Variants in ARMC10 observed in about 807,000 individuals in gnomAD.
ARMC10 encodes the protein armadillo repeat-containing protein 10.
A neutral mutation model predicts 30.2 loss-of-function variants in ARMC10; 23 were observed. The observed-to-expected ratio is 0.76, with a 90% CI of 0.55 to 1.08. The LOEUF is 1.08. Ranked by LOEUF, ARMC10 falls within the 50% of genes least tolerant of loss-of-function variation. The pLI, the probability that ARMC10 is intolerant of heterozygous loss-of-function variation, is 0.00. For synonymous variants in ARMC10, 111 were observed against 164.4 expected (o/e 0.68, Z 2.48); for missense variants, 303 against 413.7 (o/e 0.73, Z 2.32).
At chr7:103,097,198 CATG>C (rs1801826519) in intron 5 of ARMC10, 76 bp from the exon 6 acceptor site, 1 of 1,187,340 alleles carries the variant, frequency 8.4e-7, no homozygotes, top group African/African-American at 1.5e-5. Context: ...AACAGGAAGA[CATG>C]GTGAGAGAAC....
At chr7:103,080,480 C>G (rs946544121) in intron 2 of ARMC10, among the ~76,000 whole-genome samples, 1 of 151,926 alleles carries the variant, frequency 6.6e-6, no homozygotes, top group Non-Finnish European at 1.5e-5. Context: ...GTCTCGAACT[C>G]CTGACCTCAG....
At chr7:103,077,661 C>T (rs778586841) in intron 2 of ARMC10, among the ~76,000 whole-genome samples, 1 of 152,120 alleles carries the variant, frequency 6.6e-6, no homozygotes, top group Non-Finnish European at 1.5e-5. Context: ...AATTAAGTTT[C>T]GACATGAGTT....
chr7:103,095,706 T>C (rs1801700760), intron 5 of ARMC10: 1 of 152,114 alleles, frequency 6.6e-6, no homozygotes, highest in Non-Finnish European at 1.5e-5. Context: ...AATGATAGAC[T>C]GGATTAAGAA....
chr7:103,093,477 A>G (rs74532449), intron 5 of ARMC10, among the ~76,000 whole-genome samples: 8,874 of 152,292 alleles, frequency 0.058, 318 homozygotes, highest in South Asian at 0.11. Context: ...AGGTGTTTGT[A>G]CATGGACTTT....
chr7:103,097,895 C>T (rs2129524744), intron 6 of ARMC10, among the ~76,000 whole-genome samples: 1 of 152,312 alleles, frequency 6.6e-6, no homozygotes, highest in South Asian at 2.1e-4. Flanking sequence ...TCTGCTCATC[C>T]CTATTCCCCA....
intron 5 of ARMC10, among the ~76,000 whole-genome samples, chr7:103,093,023 C>T (rs1801484571): frequency 6.6e-6 from 1 of 152,084 alleles, no homozygotes; most frequent in Non-Finnish European, 1.5e-5. Context: ...TCTAAAACAA[C>T]TTTTAAGCTG....
At chr7:103,094,078 A>G (rs1801570927) in intron 5 of ARMC10, among the ~76,000 whole-genome samples, 1 of 152,244 alleles carries the variant, frequency 6.6e-6, no homozygotes, top group African/African-American at 2.4e-5. Flanking sequence ...ATAGCCATCC[A>G]TTTGTTAGTG....
intron 5 of ARMC10, chr7:103,096,349 A>T (rs1801759335): frequency 1.3e-5 from 2 of 152,102 alleles, no homozygotes; most frequent in South Asian, 2.1e-4. Flanking sequence ...CAATCAACCG[A>T]TCTATCAGTT....
chr7:103,077,411 T>C (rs1479417231), intron 2 of ARMC10, among the ~76,000 whole-genome samples: 1 of 152,158 alleles, frequency 6.6e-6, no homozygotes, highest in Non-Finnish European at 1.5e-5. Flanking sequence ...CTTAGAGTTA[T>C]GGAAGCTGAG....
intron 2 of ARMC10, among the ~76,000 whole-genome samples, chr7:103,082,793 T>C (rs1180578268): frequency 6.6e-6 from 1 of 151,966 alleles, no homozygotes; most frequent in Non-Finnish European, 1.5e-5. Context: ...GTAAAGAGGA[T>C]TTTTTTTAAG....
chr7:103,094,039 A>G (rs893586291), intron 5 of ARMC10, among the ~76,000 whole-genome samples: 5 of 152,244 alleles, frequency 3.3e-5, no homozygotes, highest in African/African-American at 9.6e-5. Context: ...AATTGAGTTT[A>G]AAGTTCCAAC....
At chr7:103,092,430 A>C in intron 4 of ARMC10, 47 bp from the exon 5 acceptor site, 1 of 1,469,606 alleles carries the variant, frequency 6.8e-7, no homozygotes, top group Admixed American at 1.8e-5. Context: ...GTTCAGTAGA[A>C]AAATTTTGGA....
chr7:103,084,089 A>G (rs1256176436), intron 3 of ARMC10: 7 of 1,402,206 alleles, frequency 5.0e-6, no homozygotes, highest in Non-Finnish European at 5.7e-6. Flanking sequence ...AACGTTTACC[A>G]TTTCATGGCC....
rs769491525 is a variant in ARMC10, at chr7:103,092,559, C to T, written c.611C>T (p.Thr204Ile). Residue 204 changes from threonine (T) to isoleucine (I), a missense_variant, in exon 5 of 7, where the codon ACA becomes ATA. By Grantham distance (89) the Thr-to-Ile change is moderately conservative (BLOSUM62 -1). Around this residue, in one of 4 missense-constraint regions of ARMC10, gnomAD observed 170 missense variants for 207.2 expected, o/e 0.82. Coordinates refer to ENST00000323716, the MANE Select transcript of ARMC10 (RefSeq NM_031905.5). The stretch of plus-strand genomic sequence containing the variant: ...CAGCTGGCTGGACTGACATTGTTGA[C>T]AAACATGACTGTTACCAATGACCAC... ...AVQLAGLTLL[T>I]NMTVTNDHQH... 2.4e-5 allele frequency: 38 copies of T among 1,609,960 alleles called. No homozygotes were observed. The highest frequency in any genetic ancestry group is 1.6e-4 in the Middle Eastern group (1 of 6,062).
chr7:103,080,711 T>G (rs1404062809), intron 2 of ARMC10, among the ~76,000 whole-genome samples: 1 of 152,032 alleles, frequency 6.6e-6, no homozygotes, highest in Non-Finnish European at 1.5e-5. Flanking sequence ...CACTGCAACC[T>G]CTGCCGCCCA....
At chr7:103,086,827 G>A in intron 4 of ARMC10, 63 bp downstream of exon 4, 2 of 1,567,148 alleles carry the variant, frequency 1.3e-6, no homozygotes, top group Non-Finnish European at 8.6e-7. Context: ...ACAAAAAGAT[G>A]AGTAATGAAA....
In ARMC10 at chr7:103,099,582, G is replaced by GTT; in HGVS notation, c.*1030_*1031insTT. The GTT allele has an allele frequency of 1.1e-5, 1 of 93,610 alleles. No individual in the cohort carries two copies. Among genetic ancestry groups the GTT allele is most frequent in the African/African-American group, 3.0e-5 (1 of 33,752 alleles). The allele number at this position is 93,610 out of a possible 1,614,324, so 5.8% of individuals were successfully genotyped here. On this transcript the variant is annotated 3_prime_UTR_variant, in exon 7 of 7. Transcript: ENST00000323716. Reference sequence around the variant, plus strand: ...TTATAGAATATGGGATCCCGTGTGTGTGTGTGTGTGTTTGAATGAAAAATG... The same window carrying GTT: ...TTATAGAATATGGGATCCCGTGTGTGTTTGTGTGTGTGTTTGAATGAAAAATG...
intron 5 of ARMC10, among the ~76,000 whole-genome samples, chr7:103,094,915 G>A (rs11982023): frequency 0.011 from 1,675 of 152,068 alleles, 35 homozygotes; most frequent in African/African-American, 0.039. Context: ...GTTCTCTTTT[G>A]CATTACTTAA....
At position 103,075,428 on chromosome 7, in the gene ARMC10, TC is replaced by T. The variant is rs749092208; in HGVS notation, c.139+19del. Reference sequence around the variant, plus strand: ...AGTCCGCAGGTGGGACCCCGGGGTTTCCGGCAGGTGGGCGGGGACTGGGCAG... The same window carrying T: ...AGTCCGCAGGTGGGACCCCGGGGTTTCGGCAGGTGGGCGGGGACTGGGCAG... On this transcript the variant is annotated intron_variant, in intron 1 of 6. Transcript: ENST00000323716. The T allele has an allele frequency of 3.9e-6, 5 of 1,288,906 alleles. No homozygotes were observed. Among genetic ancestry groups the T allele is most frequent in the Admixed American group, 6.6e-5 (2 of 30,402 alleles). The allele number at this position is 1,288,906 out of a possible 1,614,324, so 79.8% of individuals were successfully genotyped here. A position where few individuals can be genotyped will look rare whatever the true frequency, so the allele number is the denominator to read the frequency against.
Sources: allele counts gnomAD v4.1 joint callset (sites outside exome capture counted in the v4.1 genomes callset), GRCh38; gene constraint gnomAD v4.1.1; regional missense constraint gnomAD v4.1.1; transcripts MANE v1.5; gene names NCBI Gene and HGNC (gene_info 2026-07-23, HGNC 2026-07-21).